Variants in ARHGAP8 observed in about 807,000 individuals in gnomAD.
ARHGAP8 encodes Rho GTPase activating protein 8.
A neutral mutation model predicts 46.1 loss-of-function variants in ARHGAP8; 62 were observed. That is an observed-to-expected ratio of 1.34 (90% CI 1.10 to 1.66). The LOEUF (loss-of-function observed/expected upper bound fraction) is 1.66, where lower values mean the gene tolerates loss of function less well. ARHGAP8 is among the 40% of genes most tolerant of loss of function. ARHGAP8 has a pLI of 0.00. For missense variants in ARHGAP8, 923 were observed against 568.4 expected (o/e 1.62, Z -6.34); for synonymous variants, 375 against 243.1 (o/e 1.54, Z -5.05).
rs547551292 is a variant in ARHGAP8 at position 44,792,977 on chromosome 22, C to A, written c.79+6371C>A. Among the ~76,000 whole-genome samples the A allele has an allele frequency of 2.6e-5, 4 of 152,124 alleles. No homozygotes were observed. The East Asian group carries it at 7.7e-4, about 29-fold the overall frequency. On this transcript the variant is annotated intron_variant, in intron 2 of 11. Coordinates refer to ENST00000356099, the MANE Select transcript of ARHGAP8 (RefSeq NM_181335.3). Reference sequence around the variant, plus strand: ...TAGCTGGGATTATAGGTGCCTGCCACCATGCCCAGCTAATTTTTGTATTTT... The same window carrying A: ...TAGCTGGGATTATAGGTGCCTGCCAACATGCCCAGCTAATTTTTGTATTTT...
chr22:44,789,453 T>C (rs1437624125), intron 2 of ARHGAP8, among the ~76,000 whole-genome samples: 1 of 151,674 alleles, frequency 6.6e-6, no homozygotes, highest in African/African-American at 2.4e-5. Flanking sequence ...GCCCGGCCGA[T>C]GCTTTGTTAC....
chr22:44,808,192 G>GT, intron 3 of ARHGAP8, 115 bp from the exon 4 acceptor site: 1 of 1,492,032 alleles, frequency 6.7e-7, no homozygotes, highest in Non-Finnish European at 9.0e-7. Context: ...GAGTCTCCAT[G>GT]TGGCCCGGTG....
intron 1 of ARHGAP8, among the ~76,000 whole-genome samples, chr22:44,761,909 A>T (rs527832322): frequency 3.9e-5 from 6 of 152,252 alleles, no homozygotes; most frequent in Non-Finnish European, 5.9e-5. Flanking sequence ...GTTTCCCCTT[A>T]TAAAACCATC....
At chr22:44,758,240 G>A (rs991881994) in intron 1 of ARHGAP8, among the ~76,000 whole-genome samples, 4 of 152,286 alleles carry the variant, frequency 2.6e-5, no homozygotes, top group Admixed American at 6.5e-5. Context: ...CACAAGGTCA[G>A]GAGATTGAGA....
chr22:44,771,769 G>C (rs1434622255), intron 1 of ARHGAP8, among the ~76,000 whole-genome samples: 1 of 150,890 alleles, frequency 6.6e-6, no homozygotes, highest in Admixed American at 6.6e-5. Flanking sequence ...TGGCCAGGCT[G>C]GTCTCGAACT....
At position 44,810,608 on chromosome 22, in the gene ARHGAP8, G is replaced by A. The variant is rs540798411; in HGVS notation, c.299+2170G>A. Among the ~76,000 whole-genome samples the A allele has an allele frequency of 4.6e-5, 7 of 152,324 alleles. No homozygotes were observed. The East Asian group carries it at 1.4e-3, about 29-fold the overall frequency. ...AGTGGTACTGGCAGGAAGTACCAAG[G>A]TTCCAGCTGGCGTAATCAGGAAGGC... On this transcript the variant is annotated intron_variant, in intron 4 of 11. Coordinates refer to ENST00000356099, the MANE Select transcript of ARHGAP8 (RefSeq NM_181335.3).
intron 1 of ARHGAP8, among the ~76,000 whole-genome samples, 189 bp from the exon 2 acceptor site, chr22:44,786,268 C>T (rs139555578): frequency 7.6e-4 from 115 of 150,870 alleles, no homozygotes; most frequent in Non-Finnish European, 1.3e-3. Flanking sequence ...ACTGGGTGCT[C>T]GGCTGAGGCA....
intron 1 of ARHGAP8, among the ~76,000 whole-genome samples, chr22:44,763,050 G>A (rs1238309129): frequency 6.6e-6 from 1 of 152,126 alleles, no homozygotes; most frequent in Non-Finnish European, 1.5e-5. Context: ...ATCCAATGAC[G>A]CCTACATAAC....
intron 10 of ARHGAP8, among the ~76,000 whole-genome samples, chr22:44,853,902 C>A (rs934224840): frequency 4.0e-5 from 6 of 151,632 alleles, no homozygotes; most frequent in African/African-American, 1.5e-4. Flanking sequence ...TGGCATGCAC[C>A]TGTAATCCCA....
At chr22:44,794,158 C>A (rs939968502) in intron 2 of ARHGAP8, among the ~76,000 whole-genome samples, 8 of 152,242 alleles carry the variant, frequency 5.3e-5, no homozygotes, top group Admixed American at 2.0e-4. Flanking sequence ...CACAGCACTT[C>A]TGGAAGCACC....
At chr22:44,858,950 G>A (rs193115501) in intron 10 of ARHGAP8, among the ~76,000 whole-genome samples, 41 of 151,896 alleles carry the variant, frequency 2.7e-4, no homozygotes, top group African/African-American at 9.4e-4. Flanking sequence ...ACTCAGCTCT[G>A]CCCTGATGAG....
At chr22:44,843,973 A>T (rs185873324) in intron 7 of ARHGAP8, among the ~76,000 whole-genome samples, 3 of 149,230 alleles carry the variant, frequency 2.0e-5, no homozygotes, top group Non-Finnish European at 4.4e-5. Context: ...ATATATACAT[A>T]GAGAGAAGAG....
intron 7 of ARHGAP8, among the ~76,000 whole-genome samples, chr22:44,840,440 C>G (rs2147150244): frequency 6.6e-6 from 1 of 152,282 alleles, no homozygotes; most frequent in Admixed American, 6.5e-5. Context: ...GTTACATCCC[C>G]TCTCCCTTCT....
At chr22:44,815,774 C>G (rs1056968574) in intron 5 of ARHGAP8, among the ~76,000 whole-genome samples, 1 of 152,088 alleles carries the variant, frequency 6.6e-6, no homozygotes, top group Non-Finnish European at 1.5e-5. Flanking sequence ...CTGCCTGGGT[C>G]GCATGGGCAT....
intron 5 of ARHGAP8, among the ~76,000 whole-genome samples, chr22:44,822,003 GCT>G (rs1352583034): frequency 6.6e-6 from 1 of 152,262 alleles, no homozygotes; most frequent in Non-Finnish European, 1.5e-5. Flanking sequence ...CCTCAGAGCT[GCT>G]CTCTCTGTGC....
At chr22:44,773,679 C>G (rs1926207441) in intron 1 of ARHGAP8, among the ~76,000 whole-genome samples, 1 of 152,154 alleles carries the variant, frequency 6.6e-6, no homozygotes, top group Non-Finnish European at 1.5e-5. Context: ...GCCTCCCAGA[C>G]TCAAGTGATT....
Position 44,856,366 on chromosome 22 carries a change from C to G in ARHGAP8, c.878-3365C>G, listed in dbSNP as rs375119465. 9.3e-4 allele frequency among the ~76,000 whole-genome samples: 133 copies of G among 143,358 alleles called. 1 individual carries two copies. In the East Asian group the frequency reaches 0.023, roughly 25 times the overall value. 94.0% of individuals were successfully genotyped at this position (143,358 alleles called of 152,430 possible). On this transcript the variant is annotated intron_variant, in intron 10 of 11. Coordinates refer to ENST00000356099, the MANE Select transcript of ARHGAP8 (RefSeq NM_181335.3). ...TCTACTCACTACAACCTCTGCCTCC[C>G]GGGTTCAAGTGATTGTCCTGCCTCA...
chr22:44,842,515 C>T (rs7286363), intron 7 of ARHGAP8, among the ~76,000 whole-genome samples: 7,079 of 152,312 alleles, frequency 0.046, 222 homozygotes, highest in African/African-American at 0.059. Flanking sequence ...AGAAAGGTCA[C>T]GTGCTTTGTA....
At chr22:44,851,755 C>CTG (rs2070099620) in intron 10 of ARHGAP8, among the ~76,000 whole-genome samples, 1 of 151,660 alleles carries the variant, frequency 6.6e-6, no homozygotes, top group Non-Finnish European at 1.5e-5. Flanking sequence ...TGGGAGATCA[C>CTG]CTGAGCCTGG....
Sources: allele counts gnomAD v4.1 joint callset (sites outside exome capture counted in the v4.1 genomes callset), GRCh38; gene constraint gnomAD v4.1.1; transcripts MANE v1.5; gene names NCBI Gene and HGNC (gene_info 2026-07-23, HGNC 2026-07-21).